CDH23: variants seen among roughly 807,000 people sequenced by gnomAD.
CDH23 encodes cadherin-23.
Under a neutral mutation model 317.1 loss-of-function variants are expected in CDH23, and 189 were observed. The ratio of observed to expected loss-of-function variants is 0.60; its 90% CI spans 0.53 to 0.67. The LOEUF is 0.67. Ranked by LOEUF, CDH23 falls within the 30% of genes least tolerant of loss-of-function variation. The pLI, the probability that CDH23 is intolerant of heterozygous loss-of-function variation, is 0.00. For missense variants in CDH23, 4,401 were observed against 4,592.4 expected (o/e 0.96, Z 1.20); for synonymous variants, 1,839 against 1,876.8 (o/e 0.98, Z 0.52).
chr10:71,447,550 T>TG (rs1850231883), intron 3 of CDH23, among the ~76,000 whole-genome samples: 1 of 152,092 alleles, frequency 6.6e-6, no homozygotes, highest in African/African-American at 2.4e-5. Flanking sequence ...ACTTTGTTCC[T>TG]GGGGGCTGTG....
At chr10:71,749,118 TCAG>T (rs1199726383) in intron 38 of CDH23, 3 of 152,052 alleles carry the variant, frequency 2.0e-5, no homozygotes, top group Admixed American at 2.0e-4. Flanking sequence ...TGCCTCAAGG[TCAG>T]CAGCTGAGGG....
chr10:71,716,318 C>T (rs973075705), intron 28 of CDH23: 9 of 1,493,842 alleles, frequency 6.0e-6, no homozygotes, highest in Middle Eastern at 4.0e-4. Flanking sequence ...GCTGGCGAGG[C>T]TGGGGCCCTC....
At position 71,734,281 on chromosome 10, in the gene CDH23, C is replaced by G. The variant is rs201008425; in HGVS notation, c.4146C>G (p.Gly1382=). 7.4e-6 allele frequency: 12 copies of G among 1,612,480 alleles called. No individual in the cohort carries two copies. Among genetic ancestry groups the G allele is most frequent in the Non-Finnish European group, 1.0e-5 (12 of 1,179,328 alleles). Residue 1382 remains glycine, a synonymous_variant, in exon 33 of 70, where the codon GGC becomes GGG. Transcript: ENST00000224721. ...AGGGCCTGGTGGACCGTGAGAAGGG[C>G]GACTTCTATACCTTGACAGTGGTGG... The part of the protein sequence containing the change: ...TVQGLVDREK[G]DFYTLTVVAD...
At chr10:71,481,651 T>G (rs1428821054) in intron 3 of CDH23, among the ~76,000 whole-genome samples, 1 of 152,126 alleles carries the variant, frequency 6.6e-6, no homozygotes, top group Admixed American at 6.5e-5. Context: ...TAGGAAAGCT[T>G]TTAAGTGCTG....
chr10:71,498,504 G>T (rs930597119), intron 3 of CDH23, among the ~76,000 whole-genome samples: 5 of 152,234 alleles, frequency 3.3e-5, no homozygotes, highest in African/African-American at 9.6e-5. Context: ...AGGTCTGCCC[G>T]CTGGACTGTC....
At chr10:71,811,155 G>A (rs950948471) in intron 62 of CDH23, among the ~76,000 whole-genome samples, 160 bp from the exon 63 acceptor site, 15 of 150,562 alleles carry the variant, frequency 1.0e-4, no homozygotes, top group African/African-American at 3.2e-4. Context: ...ATGAAGGTTC[G>A]AGGAACCTTG....
At chr10:71,535,467 T>C (rs1054064375) in intron 6 of CDH23, among the ~76,000 whole-genome samples, 3 of 152,152 alleles carry the variant, frequency 2.0e-5, no homozygotes, top group Admixed American at 2.0e-4. Context: ...TTTGTGGCAC[T>C]GTAGAAGGTT....
In CDH23 at chr10:71,561,666, A is replaced by G. The variant is rs559379698; in HGVS notation, c.430-5076A>G. 2.0e-5 allele frequency among the ~76,000 whole-genome samples: 3 copies of G among 152,300 alleles called. No individual in the cohort carries two copies. In the South Asian group the frequency reaches 6.2e-4, roughly 32 times the overall value. On this transcript the variant is annotated intron_variant, in intron 6 of 69. Coordinates refer to ENST00000224721, the MANE Select transcript of CDH23 (RefSeq NM_022124.6). ...GATATGGAGCTTAAATGGGAACTGG[A>G]AGAGGCAAGACCTGCCGTGGGTTAC...
intron 9 of CDH23, among the ~76,000 whole-genome samples, chr10:71,608,777 A>G (rs962722818): frequency 1.2e-4 from 19 of 152,340 alleles, no homozygotes; most frequent in African/African-American, 3.6e-4. Flanking sequence ...GAGGAGCCAG[A>G]GGTGGCAGAG....
At chr10:71,503,936 G>T (rs559276329) in intron 3 of CDH23, among the ~76,000 whole-genome samples, 1 of 152,280 alleles carries the variant, frequency 6.6e-6, no homozygotes, top group African/African-American at 2.4e-5. Context: ...AGGCATGTGG[G>T]GCCAGATGGG....
chr10:71,445,559 C>T (rs1356650097), intron 2 of CDH23, among the ~76,000 whole-genome samples: 1 of 152,214 alleles, frequency 6.6e-6, no homozygotes, highest in Non-Finnish European at 1.5e-5. Flanking sequence ...TAAAAAGAGA[C>T]AACGTGCGAT....
chr10:71,506,894 G>A (rs1853668559), intron 3 of CDH23, among the ~76,000 whole-genome samples: 2 of 152,160 alleles, frequency 1.3e-5, no homozygotes, highest in Admixed American at 1.3e-4. Flanking sequence ...GCACATAATT[G>A]AGGGGAAAAT....
At chr10:71,423,592 G>T (rs1045512925) in intron 1 of CDH23, among the ~76,000 whole-genome samples, 1 of 152,170 alleles carries the variant, frequency 6.6e-6, no homozygotes, top group East Asian at 1.9e-4. Flanking sequence ...AGAATGGGAT[G>T]AGGGGAGGGA....
chr10:71,571,723 C>G (rs185137902), intron 8 of CDH23, among the ~76,000 whole-genome samples: 1 of 152,346 alleles, frequency 6.6e-6, no homozygotes, highest in East Asian at 1.9e-4. Flanking sequence ...GTCACAATCC[C>G]TGGTCATTAG....
intron 48 of CDH23, chr10:71,795,868 A>G (rs1361864713): frequency 1.0e-6 from 1 of 985,532 alleles, no homozygotes; most frequent in African/African-American, 1.8e-5. Flanking sequence ...GTCACTTCCC[A>G]CCTCATCTCT....
At chr10:71,690,940 T>C (rs530205325) in intron 20 of CDH23, among the ~76,000 whole-genome samples, 67 of 152,328 alleles carry the variant, frequency 4.4e-4, no homozygotes, top group African/African-American at 1.6e-3. Context: ...TCTTAAAGCC[T>C]GGCTCCTCTT....
chr10:71,474,386 C>T (rs1009680057), intron 3 of CDH23, among the ~76,000 whole-genome samples: 2 of 152,308 alleles, frequency 1.3e-5, no homozygotes, highest in Admixed American at 6.5e-5. Flanking sequence ...ATGCCTCTGT[C>T]GCCTCCTTCA....
chr10:71,430,417 A>G (rs191133219), intron 1 of CDH23, among the ~76,000 whole-genome samples: 1 of 152,322 alleles, frequency 6.6e-6, no homozygotes, highest in East Asian at 1.9e-4. Flanking sequence ...GCCAACAGCT[A>G]TGAAAATATG....
At chr10:71,528,214 T>G (rs1304077504) in intron 6 of CDH23, among the ~76,000 whole-genome samples, 1 of 151,834 alleles carries the variant, frequency 6.6e-6, no homozygotes, top group Admixed American at 6.6e-5. Flanking sequence ...AGGGCTACTG[T>G]GACAAGAAAG....
Sources: gnomAD v4.1 joint callset for allele counts (sites outside exome capture counted in the v4.1 genomes callset) on GRCh38, gnomAD v4.1.1 for gene constraint, MANE v1.5 for transcripts, NCBI Gene and HGNC (gene_info 2026-07-23, HGNC 2026-07-21) for gene names.